STPG2: variants seen among roughly 807,000 people sequenced by gnomAD.
STPG2 encodes the protein sperm tail PG-rich repeat containing 2.
STPG2 carries 56 observed loss-of-function variants against 54.2 expected under a neutral mutation model. The observed-to-expected ratio is 1.03, with a 90% CI of 0.83 to 1.29. The LOEUF is 1.29. STPG2 is among the 50% of genes most tolerant of loss of function. STPG2 has a pLI of 0.00. For missense variants in STPG2, 596 were observed against 544.9 expected (o/e 1.09, Z -0.93); for synonymous variants, 200 against 181.8 (o/e 1.10, Z -0.81).
At chr4:97,565,929 C>A (rs1318467701) in intron 10 of STPG2, among the ~76,000 whole-genome samples, 1 of 152,194 alleles carries the variant, frequency 6.6e-6, no homozygotes, top group Non-Finnish European at 1.5e-5. Context: ...CTCAGATCTC[C>A]AGCTGCATGC....
chr4:97,484,419 G>T (rs1730303295), intron 4 of STPG2, among the ~76,000 whole-genome samples: 1 of 151,596 alleles, frequency 6.6e-6, no homozygotes, highest in Non-Finnish European at 1.5e-5. Context: ...GATCATTCAA[G>T]GCTACTATGA....
chr4:97,632,296 T>TA (rs550108347), intron 10 of STPG2, among the ~76,000 whole-genome samples: 231 of 151,246 alleles, frequency 1.5e-3, no homozygotes, highest in African/African-American at 5.5e-3. Flanking sequence ...TTTTTTTTTT[T>TA]TTTATTTCTG....
intron 9 of STPG2, among the ~76,000 whole-genome samples, chr4:97,775,191 TG>T (rs1236432511): frequency 1.3e-5 from 2 of 152,072 alleles, no homozygotes; most frequent in African/African-American, 4.8e-5. Context: ...TAAAAAGAGA[TG>T]AAGGAAAGTA....
intron 4 of STPG2, among the ~76,000 whole-genome samples, chr4:97,496,600 T>C (rs746638918): frequency 7.9e-5 from 12 of 151,724 alleles, no homozygotes; most frequent in Non-Finnish European, 1.6e-4. Context: ...GTTTGGAAAA[T>C]AAAATGATCT....
chr4:97,893,130 C>A (rs143125712), intron 8 of STPG2: 7 of 152,190 alleles, frequency 4.6e-5, no homozygotes, highest in Non-Finnish European at 7.4e-5. Flanking sequence ...CTACATTCCT[C>A]ATTAGGTTCC....
At chr4:97,565,435 G>C (rs9993236) in intron 10 of STPG2, among the ~76,000 whole-genome samples, 72,579 of 151,950 alleles carry the variant, frequency 0.48, 18,224 homozygotes, top group South Asian at 0.63. Flanking sequence ...CTCTCAACTC[G>C]TCAAAGTCAT....
At chr4:97,940,294 G>A (rs1732927879) in intron 8 of STPG2, among the ~76,000 whole-genome samples, 1 of 152,142 alleles carries the variant, frequency 6.6e-6, no homozygotes, top group South Asian at 2.1e-4. Flanking sequence ...ATCTTCTTGT[G>A]TAGCATCTTG....
chr4:97,466,653 T>C (rs1322901102), intron 4 of STPG2, among the ~76,000 whole-genome samples: 1 of 152,088 alleles, frequency 6.6e-6, no homozygotes, highest in African/African-American at 2.4e-5. Context: ...CTTTTGTGAG[T>C]TTCTTCCATC....
intron 10 of STPG2, among the ~76,000 whole-genome samples, chr4:97,635,626 A>C (rs1721488357): frequency 1.3e-5 from 2 of 152,218 alleles, no homozygotes; most frequent in Admixed American, 6.5e-5. Context: ...TATAGGCTCA[A>C]AATAAAGGGA....
chr4:98,062,191 C>G (rs371218825), intron 5 of STPG2, among the ~76,000 whole-genome samples: 3 of 152,242 alleles, frequency 2.0e-5, no homozygotes, highest in African/African-American at 7.2e-5. Context: ...CAAACTAATG[C>G]AGGAACAGAA....
intron 9 of STPG2, among the ~76,000 whole-genome samples, chr4:97,809,589 G>A (rs1425440034): frequency 6.6e-6 from 1 of 152,162 alleles, no homozygotes; most frequent in Non-Finnish European, 1.5e-5. Flanking sequence ...GAGGATGGAG[G>A]TAGCCATATC....
At position 97,726,389 on chromosome 4, in the gene STPG2, G is replaced by C. The variant is rs150703285; in HGVS notation, c.1205-13575C>G. On this transcript the variant is annotated intron_variant, in intron 9 of 10. Transcript: ENST00000295268. ...TGGTGATGAAGCACACAATGTGAAT[G>C]TACTTAATGCCACTGTGTACACTTT... Among the ~76,000 whole-genome samples the C allele has an allele frequency of 4.3e-3, 654 of 152,028 alleles. 6 individuals are homozygous for C. Among genetic ancestry groups the C allele is most frequent in the African/African-American group, 0.015 (606 of 41,538 alleles).
intron 10 of STPG2, among the ~76,000 whole-genome samples, chr4:97,616,050 ACATATAAAT>A (rs1560686783): frequency 3.3e-4 from 27 of 80,636 alleles, no homozygotes; most frequent in African/African-American, 1.3e-3. Flanking sequence ...AAAAAAAAAT[ACATATAAAT>A]ATATATATAT....
chr4:97,740,447 G>C lies in STPG2; in HGVS notation c.1205-27633C>G, dbSNP rs538777516. On this transcript the variant is annotated intron_variant, in intron 9 of 10. Transcript: ENST00000295268. ...GTCCCTGTTTGCAGATGACATGATT[G>C]TATATCTAGAAAACCCCATTGTCTC... is the stretch of plus-strand genomic sequence containing the variant. 4.4e-3 allele frequency among the ~76,000 whole-genome samples: 669 copies of C among 152,208 alleles called. 4 individuals carry two copies. Among genetic ancestry groups the C allele is most frequent in the Non-Finnish European group, 4.5e-3 (305 of 67,996 alleles).
At chr4:97,587,059 A>G (rs1047295729) in intron 10 of STPG2, among the ~76,000 whole-genome samples, 1 of 151,972 alleles carries the variant, frequency 6.6e-6, no homozygotes, top group African/African-American at 2.4e-5. Flanking sequence ...TGTCTTTGCT[A>G]GTAAAACACA....
At chr4:97,835,885 C>G (rs1168171423) in intron 9 of STPG2, among the ~76,000 whole-genome samples, 1 of 151,948 alleles carries the variant, frequency 6.6e-6, no homozygotes, top group East Asian at 1.9e-4. Context: ...ATGGTGGAAA[C>G]AGCAAAATAA....
At chr4:97,443,261 C>T (rs1729135283) in intron 4 of STPG2, among the ~76,000 whole-genome samples, 1 of 152,042 alleles carries the variant, frequency 6.6e-6, no homozygotes, top group African/African-American at 2.4e-5. Flanking sequence ...CGGATAAAAA[C>T]CTAAGCTGAG....
intron 4 of STPG2, among the ~76,000 whole-genome samples, chr4:97,444,282 A>G (rs767867856): frequency 8.9e-4 from 135 of 152,330 alleles, no homozygotes; most frequent in Non-Finnish European, 1.4e-3. Flanking sequence ...AAAGACATCA[A>G]TCCACACAAT....
intron 9 of STPG2, among the ~76,000 whole-genome samples, chr4:97,742,848 G>C (rs1302586793): frequency 6.6e-6 from 1 of 151,644 alleles, no homozygotes; most frequent in African/African-American, 2.4e-5. Flanking sequence ...ACAGCATGAG[G>C]ATGATAGTTA....
Sources: allele counts gnomAD v4.1 joint callset (sites outside exome capture counted in the v4.1 genomes callset), GRCh38; gene constraint gnomAD v4.1.1; transcripts MANE v1.5; gene names NCBI Gene and HGNC (gene_info 2026-07-23, HGNC 2026-07-21).